CFTR: variants seen among roughly 807,000 people sequenced by gnomAD.
The protein encoded by CFTR is CF transmembrane conductance regulator.
CFTR carries 181 observed loss-of-function variants against 171.6 expected under a neutral mutation model. The observed-to-expected ratio is 1.05, with a 90% CI of 0.93 to 1.19. CFTR has a LOEUF of 1.19. CFTR is among the 50% of genes most tolerant of loss of function. The probability of loss-of-function intolerance (pLI) is 0.00; values close to 1 mark genes in which losing one functional copy is unlikely to be tolerated. For synonymous variants in CFTR, 583 were observed against 608.0 expected (o/e 0.96, Z 0.60); for missense variants, 1,968 against 1,734.7 (o/e 1.13, Z -2.39).
Position 117,664,826 on chromosome 7 carries a change from C to CTGCTTGATGAACCCAGTGCTCATTTGGA in CFTR, c.4104_4131dup (p.Pro1378AlafsTer2). 6.2e-7 allele frequency: 1 copy of CTGCTTGATGAACCCAGTGCTCATTTGGA among 1,614,004 alleles called. No homozygotes were observed. Among genetic ancestry groups the CTGCTTGATGAACCCAGTGCTCATTTGGA allele is most frequent in the South Asian group, 1.1e-5 (1 of 91,084 alleles). ...TGTTCTCAGTAAGGCGAAGATCTTG[C>CTGCTTGATGAACCCAGTGCTCATTTGGA]TGCTTGATGAACCCAGTGCTCATTT... On this transcript the variant is annotated frameshift_variant, in exon 25 of 27. Coordinates refer to ENST00000003084, the MANE Select transcript of CFTR (RefSeq NM_000492.4). LOFTEE classifies it high-confidence loss of function.
At chr7:117,520,705 C>T (rs1798671628) in intron 3 of CFTR, among the ~76,000 whole-genome samples, 1 of 151,912 alleles carries the variant, frequency 6.6e-6, no homozygotes, top group Non-Finnish European at 1.5e-5. Flanking sequence ...CCCTCTGACA[C>T]ATTATTCTTA....
intron 26 of CFTR, 131 bp from the exon 27 acceptor site, chr7:117,666,777 T>A (rs990699328): frequency 1.3e-6 from 1 of 777,524 alleles, no homozygotes; most frequent in African/African-American, 1.7e-5. Flanking sequence ...CATACCTGAT[T>A]GTTCAAAATG....
intron 24 of CFTR, among the ~76,000 whole-genome samples, chr7:117,654,587 C>T (rs967322270): frequency 2.6e-5 from 4 of 152,104 alleles, no homozygotes; most frequent in Middle Eastern, 3.2e-3. Context: ...TGAGTTCTCA[C>T]GAGATCCAAT....
intron 21 of CFTR, among the ~76,000 whole-genome samples, chr7:117,615,134 A>C (rs1012890112): frequency 6.6e-6 from 1 of 152,138 alleles, no homozygotes; most frequent in Non-Finnish European, 1.5e-5. Context: ...GTAGATGTGA[A>C]GTGATTACTA....
intron 3 of CFTR, among the ~76,000 whole-genome samples, chr7:117,523,289 T>C (rs1263586752): frequency 6.6e-6 from 1 of 152,108 alleles, no homozygotes; most frequent in Non-Finnish European, 1.5e-5. Flanking sequence ...GAGGCTGTAG[T>C]GTGTTGTGAT....
chr7:117,518,482 G>A (rs1319507088), intron 3 of CFTR, among the ~76,000 whole-genome samples: 1 of 145,490 alleles, frequency 6.9e-6, no homozygotes, highest in Non-Finnish European at 1.5e-5. Flanking sequence ...GTCTTTCATA[G>A]ACTTAAATAT....
chr7:117,532,212 G>A (rs1798876734), intron 4 of CFTR, among the ~76,000 whole-genome samples: 1 of 152,126 alleles, frequency 6.6e-6, no homozygotes, highest in South Asian at 2.1e-4. Flanking sequence ...CGTAAGTGAA[G>A]ACTTTGTTAG....
intron 2 of CFTR, among the ~76,000 whole-genome samples, chr7:117,507,660 G>C (rs1000751889): frequency 3.3e-5 from 5 of 152,166 alleles, no homozygotes; most frequent in African/African-American, 9.7e-5. Flanking sequence ...AAATAGATGG[G>C]AAAAGGTAAT....
intron 24 of CFTR, among the ~76,000 whole-genome samples, chr7:117,661,834 A>AT (rs1028996413): frequency 9.9e-5 from 15 of 152,102 alleles, no homozygotes; most frequent in African/African-American, 3.4e-4. Flanking sequence ...TATTTTCTCC[A>AT]TTTTTTTACA....
At chr7:117,633,869 A>T (rs1162323815) in intron 22 of CFTR, among the ~76,000 whole-genome samples, 1 of 152,042 alleles carries the variant, frequency 6.6e-6, no homozygotes, top group Non-Finnish European at 1.5e-5. Context: ...GTGGTATATA[A>T]TTATTTGTAT....
intron 3 of CFTR, among the ~76,000 whole-genome samples, chr7:117,511,543 A>G (rs1187121814): frequency 6.6e-6 from 1 of 152,066 alleles, no homozygotes; most frequent in African/African-American, 2.4e-5. Context: ...CATCATCTCA[A>G]CTCCTACTGA....
chr7:117,652,924 C>G lies in CFTR; in HGVS notation c.3956C>G (p.Ala1319Gly). 1 of 1,594,196 alleles carries G rather than the reference C, an allele frequency of 6.3e-7. No homozygotes were observed. The highest frequency in any genetic ancestry group is 8.6e-7 in the Non-Finnish European group (1 of 1,163,144). Residue 1319 changes from alanine (A) to glycine (G), a missense_variant, in exon 24 of 27, where the codon GCA becomes GGA. Ala to Gly is a moderately conservative substitution (Grantham distance 60). Coordinates refer to ENST00000003084, the MANE Select transcript of CFTR (RefSeq NM_000492.4). Reference protein sequence around the residue: ...QWSDQEIWKVADEVGLRSVIE... With the variant: ...QWSDQEIWKVGDEVGLRSVIE... ...AGTGATCAAGAAATATGGAAAGTTG[C>G]AGATGAGGTAAGGCTGCTAACTGAA... is the stretch of plus-strand genomic sequence containing the variant.
rs397508785 is a variant in CFTR at position 117,535,379 on chromosome 7, G to A, written c.711G>A (p.Gln237=). 3 of 1,613,942 alleles carry A rather than the reference G, an allele frequency of 1.9e-6. No homozygotes were observed. The highest frequency in any genetic ancestry group is 3.3e-5 in the Admixed American group (2 of 59,982). Residue 237 remains glutamine (Q), a synonymous_variant, in exon 6 of 27, where the codon CAG becomes CAA. Transcript: ENST00000003084. ...LGFLIVLALF[Q]AGLGRMMMKY... ...TCCTGATAGTCCTTGCCCTTTTTCA[G>A]GCTGGGCTAGGGAGAATGATGATGA...
chr7:117,638,732 A>C (rs575651782), intron 22 of CFTR, among the ~76,000 whole-genome samples: 152 of 145,504 alleles, frequency 1.0e-3, no homozygotes, highest in Non-Finnish European at 1.8e-3. Flanking sequence ...GCAAAACTCC[A>C]TCTCATAAAT....
chr7:117,516,937 C>T (rs1265966882), intron 3 of CFTR, among the ~76,000 whole-genome samples: 1 of 152,092 alleles, frequency 6.6e-6, no homozygotes, highest in Admixed American at 6.6e-5. Context: ...AATGATAGCA[C>T]ATTTTTTCTT....
intron 7 of CFTR, among the ~76,000 whole-genome samples, chr7:117,539,353 A>T (rs983029215): frequency 2.0e-5 from 3 of 152,224 alleles, no homozygotes; most frequent in African/African-American, 7.2e-5. Flanking sequence ...TGAGACAGAG[A>T]GGATGTAGTA....
intron 3 of CFTR, among the ~76,000 whole-genome samples, chr7:117,529,784 A>G (rs1460008942): frequency 1.3e-5 from 2 of 152,086 alleles, no homozygotes; most frequent in African/African-American, 2.4e-5. Flanking sequence ...AAACCCCTCA[A>G]ATTAAGGGAT....
At chr7:117,599,219 A>G (rs961150650) in intron 15 of CFTR, among the ~76,000 whole-genome samples, 24 of 152,292 alleles carry the variant, frequency 1.6e-4, no homozygotes, top group African/African-American at 5.8e-4. Flanking sequence ...CCAACCCTTT[A>G]TAATTGTTAA....
In CFTR at chr7:117,535,233, G is replaced by T. The variant is rs774366561; in HGVS notation, c.580-15G>T. 9.3e-6 allele frequency: 15 copies of T among 1,613,804 alleles called. No homozygotes were observed. The highest frequency in any genetic ancestry group is 1.2e-5 in the Non-Finnish European group (14 of 1,179,890). Reference sequence around the variant, plus strand: ...ATACAATGACACCTGTTTTTGCTGTGCTTTTATTTTCCAGGGACTTGCATT... The same window carrying T: ...ATACAATGACACCTGTTTTTGCTGTTCTTTTATTTTCCAGGGACTTGCATT... On this transcript the variant is annotated splice_polypyrimidine_tract_variant and intron_variant, in intron 5 of 26. Coordinates refer to ENST00000003084, the MANE Select transcript of CFTR (RefSeq NM_000492.4).
Sources: allele counts gnomAD v4.1 joint callset (sites outside exome capture counted in the v4.1 genomes callset), GRCh38; gene constraint gnomAD v4.1.1; transcripts MANE v1.5; gene names NCBI Gene and HGNC (gene_info 2026-07-23, HGNC 2026-07-21).